DNAJC2: variants seen among roughly 807,000 people sequenced by gnomAD.
DNAJC2 encodes the protein dnaJ homolog subfamily C member 2.
DNAJC2 carries 32 observed loss-of-function variants against 94.0 expected under a neutral mutation model. The ratio of observed to expected loss-of-function variants is 0.34; its 90% CI spans 0.26 to 0.46. The LOEUF (loss-of-function observed/expected upper bound fraction) is 0.46. Among genes scored for constraint, DNAJC2 ranks in the 20% least tolerant of loss-of-function variants. The pLI is 1.00. For missense variants in DNAJC2, 550 were observed against 719.5 expected, an observed-to-expected ratio of 0.76 and a Z score of 2.69; for synonymous variants, 210 against 229.7, an observed-to-expected ratio of 0.91 and a Z score of 0.77.
Position 103,341,924 on chromosome 7 carries a change from C to G in DNAJC2, c.95G>C (p.Gly32Ala). The G allele has an allele frequency of 6.2e-7, 1 of 1,608,148 alleles. No homozygotes were observed. Among genetic ancestry groups the G allele is most frequent in the Non-Finnish European group, 8.5e-7 (1 of 1,177,894 alleles). ...CTTAACAAAAGCTTCAAACCATCTT[C>G]CCACAGGTTCAACTTGACAGAGTGT... ...ASTLCQVEPVGRWFEAFVKRR... is the reference protein window; with the variant it reads ...ASTLCQVEPVARWFEAFVKRR... Residue 32 changes from glycine (G) to alanine (A), a missense_variant, in exon 2 of 17, where the codon GGA (glycine) becomes GCA (alanine). Physicochemically the swap from Gly to Ala is moderately conservative, Grantham distance 60 (BLOSUM62 0). This residue lies in a region of DNAJC2 where 279 missense variants were observed against 416.9 expected (regional missense o/e 0.67). Coordinates refer to ENST00000379263, the MANE Select transcript of DNAJC2 (RefSeq NM_014377.3).
At chr7:103,341,487 A>G (rs571101175) in intron 2 of DNAJC2, among the ~76,000 whole-genome samples, 3 of 152,284 alleles carry the variant, frequency 2.0e-5, no homozygotes, top group Admixed American at 6.5e-5. Context: ...TTCTGCCCAG[A>G]ATACTTTTCT....
At chr7:103,317,548 C>A (rs995658275) in intron 12 of DNAJC2, among the ~76,000 whole-genome samples, 2 of 152,184 alleles carry the variant, frequency 1.3e-5, no homozygotes, top group African/African-American at 2.4e-5. Flanking sequence ...AGCTTTGGCT[C>A]ATTTCTCCCC....
chr7:103,327,719 G>A lies in DNAJC2; in HGVS notation c.367C>T (p.Arg123Trp), dbSNP rs142613787. Residue 123 changes from arginine to tryptophan, a missense_variant, in exon 4 of 17, where the codon CGG becomes TGG. Arg to Trp is a moderately radical substitution (Grantham distance 101). Around this residue, in one of 2 missense-constraint regions of DNAJC2, gnomAD observed 279 missense variants for 416.9 expected, o/e 0.67. Transcript: ENST00000379263. ...AMVLKHHPDK[R>W]KAAGEPIKEG... ...TTTATTGGTTCACCAGCTGCTTTCC[G>A]TTTGTCTGGGTGATGTTTTAAAACC... The A allele has an allele frequency of 1.4e-5, 23 of 1,613,286 alleles. No homozygotes were observed. Among genetic ancestry groups the A allele is most frequent in the South Asian group, 6.6e-5 (6 of 90,980 alleles).
chr7:103,318,175 G>GT (rs113906075), intron 12 of DNAJC2, among the ~76,000 whole-genome samples: 7,694 of 150,086 alleles, frequency 0.051, 263 homozygotes, highest in South Asian at 0.14. Context: ...TTTTTTGTCT[G>GT]TTTTTTTTGA....
intron 5 of DNAJC2, among the ~76,000 whole-genome samples, chr7:103,325,172 G>C (rs1316739702): frequency 6.6e-6 from 1 of 152,146 alleles, no homozygotes; most frequent in African/African-American, 2.4e-5. Flanking sequence ...GGCCAGGCGC[G>C]GTGGCTCATG....
intron 3 of DNAJC2, among the ~76,000 whole-genome samples, chr7:103,331,820 G>A (rs1818985768): frequency 6.6e-6 from 1 of 152,154 alleles, no homozygotes; most frequent in Non-Finnish European, 1.5e-5. Context: ...AAACATGGGA[G>A]TGCAGGTACC....
rs1419929885 is a variant in DNAJC2, at chr7:103,316,886, A to C, written c.1371T>G (p.Asp457Glu). ...GGNGSKNWSE[D>E]DLQLLIKAVN... ...CAGCTTTAATTAGTAATTGTAGATCATCTTCTGACCAATTTTTACTTCCAT... is the reference window on the plus strand; with the variant it reads ...CAGCTTTAATTAGTAATTGTAGATCCTCTTCTGACCAATTTTTACTTCCAT... Residue 457 changes from aspartate to glutamate, a missense_variant, in exon 13 of 17, where the codon GAT (aspartate) becomes GAG (glutamate). By Grantham distance (45) the Asp-to-Glu change is conservative. This residue lies in a region of DNAJC2 where 271 missense variants were observed against 302.6 expected (regional missense o/e 0.90). Transcript: ENST00000379263. The C allele has an allele frequency of 6.2e-7, 1 of 1,613,862 alleles. No homozygotes were observed. Among genetic ancestry groups the C allele is most frequent in the Non-Finnish European group, 8.5e-7 (1 of 1,179,968 alleles).
At position 103,322,537 on chromosome 7, in the gene DNAJC2, G is replaced by A. The variant is rs1211418461; in HGVS notation, c.907C>T (p.Arg303Trp). Residue 303 changes from arginine (R) to tryptophan (W), a missense_variant, in exon 9 of 17, where the codon CGG becomes TGG. Transcript: ENST00000379263. ...AEKKAKAEAK[R>W]KEQEAKEKQR... ...TTTTCTTTAGCTTCTTGCTCCTTCCGTTTAGCTTCTGCTTTTGCTTTCTTT... is the reference window on the plus strand; with the variant it reads ...TTTTCTTTAGCTTCTTGCTCCTTCCATTTAGCTTCTGCTTTTGCTTTCTTT... 4.6e-6 allele frequency: 7 copies of A among 1,535,962 alleles called. No homozygotes were observed. The highest frequency in any genetic ancestry group is 4.6e-5 in the East Asian group (2 of 43,458).
intron 10 of DNAJC2, 65 bp downstream of exon 10, chr7:103,321,864 AAAG>A (rs1394330528): frequency 4.6e-6 from 7 of 1,529,258 alleles, no homozygotes; most frequent in Middle Eastern, 1.7e-4. Flanking sequence ...AAACAAACAA[AAAG>A]AAGTATTTTT....
intron 5 of DNAJC2, among the ~76,000 whole-genome samples, chr7:103,326,276 C>A (rs1321112965): frequency 6.6e-6 from 1 of 152,042 alleles, no homozygotes. Flanking sequence ...CTGTGCCCAG[C>A]CCAAGTAAAT....
At chr7:103,341,001 T>C (rs1819353631) in intron 2 of DNAJC2, among the ~76,000 whole-genome samples, 1 of 152,176 alleles carries the variant, frequency 6.6e-6, no homozygotes, top group Admixed American at 6.5e-5. Flanking sequence ...GCGCTAATGC[T>C]GGGAAGGACC....
At chr7:103,328,850 T>C (rs1308563231) in intron 3 of DNAJC2, 1 of 354,874 alleles carries the variant, frequency 2.8e-6, no homozygotes, top group African/African-American at 2.2e-5. Flanking sequence ...CCATTTCCAA[T>C]TTTGCATTAT....
intron 3 of DNAJC2, among the ~76,000 whole-genome samples, chr7:103,328,180 C>T (rs566411333): frequency 2.7e-4 from 41 of 151,368 alleles, no homozygotes; most frequent in African/African-American, 9.7e-4. Context: ...CCTCGGCCTC[C>T]GAAAGTGCTG....
intron 10 of DNAJC2, among the ~76,000 whole-genome samples, chr7:103,320,193 A>G (rs1364121048): frequency 2.6e-5 from 4 of 152,006 alleles, no homozygotes; most frequent in South Asian, 2.1e-4. Context: ...GGTTCAAGCT[A>G]TTCTTCTGCC....
chr7:103,316,897 A>G lies in DNAJC2; in HGVS notation c.1360T>C (p.Trp454Arg). Residue 454 changes from tryptophan (W) to arginine (R), a missense_variant, in exon 13 of 17, where the codon TGG becomes CGG. Trp to Arg is a moderately radical substitution (Grantham distance 101, BLOSUM62 -3). Transcript: ENST00000379263. ...TGGGGNGSKNWSEDDLQLLIK... is the reference protein window; with the variant it reads ...TGGGGNGSKNRSEDDLQLLIK... ...AGTAATTGTAGATCATCTTCTGACC[A>G]ATTTTTACTTCCATTTCCACCTCCA... 1 of 1,613,986 alleles carries G rather than the reference A, an allele frequency of 6.2e-7. No homozygotes were observed. The highest frequency in any genetic ancestry group is 1.1e-5 in the South Asian group (1 of 91,076).
At chr7:103,313,224 T>C (rs1817855457) in intron 15 of DNAJC2, 123 bp from the exon 16 acceptor site, 1 of 1,453,698 alleles carries the variant, frequency 6.9e-7, no homozygotes, top group Non-Finnish European at 9.0e-7. Flanking sequence ...GAAAATAAAC[T>C]TGTAGAGATG....
In DNAJC2 at chr7:103,315,973, C is replaced by G; in HGVS notation, c.1528+15G>C. The stretch of plus-strand genomic sequence containing the variant: ...ATAGGTGTTTAAAGTAACAAATGGA[C>G]TTCTCAAAACTCACCAAGTTTTTGG... On this transcript the variant is annotated intron_variant, in intron 14 of 16. Coordinates refer to ENST00000379263, the MANE Select transcript of DNAJC2 (RefSeq NM_014377.3). 1 of 1,573,812 alleles carries G rather than the reference C, an allele frequency of 6.4e-7. No homozygotes were observed. The highest frequency in any genetic ancestry group is 8.6e-7 in the Non-Finnish European group (1 of 1,158,452).
chr7:103,332,641 G>A (rs1819021194), intron 3 of DNAJC2, among the ~76,000 whole-genome samples: 1 of 151,326 alleles, frequency 6.6e-6, no homozygotes, highest in South Asian at 2.1e-4. Context: ...TTTTGCGGGG[G>A]AGGGGATGGG....
chr7:103,314,628 TC>T, intron 15 of DNAJC2: 1 of 985,394 alleles, frequency 1.0e-6, no homozygotes. Flanking sequence ...TTTCAGGTGT[TC>T]TGAAACCCTG....
Sources: gnomAD v4.1 joint callset for allele counts (sites outside exome capture counted in the v4.1 genomes callset) on GRCh38, gnomAD v4.1.1 for gene constraint, gnomAD v4.1.1 regional missense constraint, MANE v1.5 for transcripts, NCBI Gene and HGNC (gene_info 2026-07-23, HGNC 2026-07-21) for gene names.